ANK1: variants seen among roughly 807,000 people sequenced by gnomAD.
The protein encoded by ANK1 is ankyrin 1.
A neutral mutation model predicts 210.4 loss-of-function variants in ANK1; 51 were observed. The observed-to-expected ratio is 0.24, with a 90% CI of 0.19 to 0.31. ANK1 has a LOEUF of 0.31. Ranked by LOEUF, ANK1 falls within the 10% of genes least tolerant of loss-of-function variation. The pLI, the probability that ANK1 is intolerant of heterozygous loss-of-function variation, is 1.00. For synonymous variants in ANK1, 967 were observed against 1,025.9 expected (o/e 0.94, Z 1.10); for missense variants, 2,051 against 2,504.4 (o/e 0.82, Z 3.86).
rs561398687 is a variant in ANK1, at chr8:41,699,630, C to T, written c.2462-82G>A. 4.5e-4 allele frequency: 596 copies of T among 1,331,658 alleles called. 7 individuals carry two copies. The South Asian group carries it at 6.4e-3, about 14-fold the overall frequency. 82.5% of individuals were successfully genotyped at this position (1,331,658 alleles called of 1,614,324 possible). A position where few individuals can be genotyped will look rare whatever the true frequency, so the allele number is the denominator to read the frequency against. On this transcript the variant is annotated intron_variant, in intron 22 of 42. Transcript: ENST00000289734. ...TTTTAAAAAAGCTCTGTTCCCGCTC[C>T]GCCTCTGGGGGCTTGCTCCTGAGGA...
chr8:41,721,057 A>T (rs776612439), intron 9 of ANK1, among the ~76,000 whole-genome samples: 6 of 152,190 alleles, frequency 3.9e-5, no homozygotes, highest in Non-Finnish European at 7.4e-5. Flanking sequence ...TACAGGCTGA[A>T]TTAGGTCCCA....
intron 34 of ANK1, 136 bp downstream of exon 34, chr8:41,688,375 C>A: frequency 7.1e-7 from 1 of 1,413,894 alleles, no homozygotes; most frequent in South Asian, 1.2e-5. Flanking sequence ...AGACCCGAGT[C>A]AGCTCTGCAG....
At chr8:41,850,467 T>C (rs1405480020) in intron 1 of ANK1, among the ~76,000 whole-genome samples, 1 of 152,236 alleles carries the variant, frequency 6.6e-6, no homozygotes, top group Admixed American at 6.5e-5. Context: ...TAGTCATTTT[T>C]AATCTGTACT....
At chr8:41,811,813 GTTA>G (rs1236405042) in intron 1 of ANK1, among the ~76,000 whole-genome samples, 3 of 152,142 alleles carry the variant, frequency 2.0e-5, no homozygotes, top group African/African-American at 7.2e-5. Context: ...TGTAGCTATT[GTTA>G]TTATTATTAT....
rs886325158 is a variant in ANK1 at position 41,681,740 on chromosome 8, C to A, written c.4537+2804G>T. 4.0e-5 allele frequency among the ~76,000 whole-genome samples: 6 copies of A among 150,874 alleles called. 1 individual carries two copies. The highest frequency in any genetic ancestry group is 4.3e-4 in the South Asian group (2 of 4,692). ...AGCTGCAGAGCCTGTAGTGCCCCCC[C>A]ACCCCCCTTAGACCTCTGACTGTCC... On this transcript the variant is annotated intron_variant, in intron 37 of 42. Coordinates refer to ENST00000289734, the MANE Select transcript of ANK1 (RefSeq NM_000037.4).
rs187578143 is a variant in ANK1, at chr8:41,736,000, G to A, written c.130-1931C>T. On this transcript the variant is annotated intron_variant, in intron 2 of 42. Transcript: ENST00000289734. The stretch of plus-strand genomic sequence containing the variant: ...TCACCAAATATTTCCTCATGCAAAC[G>A]CCTGAAAATGACCACTGGCCATTAG... Among the ~76,000 whole-genome samples the A allele has an allele frequency of 5.2e-4, 79 of 152,194 alleles. No individual in the cohort carries two copies. In the East Asian group the frequency reaches 0.014, roughly 26 times the overall value.
chr8:41,822,173 A>G (rs28658219), intron 1 of ANK1, among the ~76,000 whole-genome samples: 3 of 143,332 alleles, frequency 2.1e-5, no homozygotes, highest in South Asian at 2.3e-4. Context: ...AAAGAAAGAA[A>G]GAAAGAAAGA....
Position 41,680,520 on chromosome 8 carries a change from G to T in ANK1, c.4537+4024C>A, listed in dbSNP as rs111942409. Among the ~76,000 whole-genome samples the T allele has an allele frequency of 4.7e-3, 700 of 148,992 alleles. 8 individuals are homozygous for T. The highest frequency in any genetic ancestry group is 0.035 in the East Asian group (176 of 5,086). ...AGAGAGGTTGCAGTGAGCTGAGATC[G>T]CACCATTGCACTCCAGCCAGGGCAA... On this transcript the variant is annotated intron_variant, in intron 37 of 42. Transcript: ENST00000289734.
chr8:41,688,436 G>A, intron 34 of ANK1, 75 bp downstream of exon 34: 1 of 1,551,554 alleles, frequency 6.4e-7, no homozygotes, highest in Non-Finnish European at 8.9e-7. Context: ...ACCCTCACAG[G>A]GCTGCGGGGA....
chr8:41,712,135 G>A (rs1239125180), intron 16 of ANK1, among the ~76,000 whole-genome samples: 3 of 152,152 alleles, frequency 2.0e-5, no homozygotes, highest in African/African-American at 7.2e-5. Context: ...ATGTTGGCCA[G>A]GATGGTCTTG....
chr8:41,743,535 C>G (rs568112956), intron 2 of ANK1, among the ~76,000 whole-genome samples: 2 of 152,150 alleles, frequency 1.3e-5, no homozygotes, highest in African/African-American at 2.4e-5. Flanking sequence ...CTGGAGATGT[C>G]GGCCTTAGAG....
At chr8:41,876,495 C>G (rs1476341894) in intron 1 of ANK1, among the ~76,000 whole-genome samples, 3 of 152,218 alleles carry the variant, frequency 2.0e-5, no homozygotes, top group Non-Finnish European at 2.9e-5. Flanking sequence ...GAACTGATGA[C>G]CTGTCTTACA....
chr8:41,736,562 C>T (rs1028377217), intron 2 of ANK1, among the ~76,000 whole-genome samples: 1 of 152,186 alleles, frequency 6.6e-6, no homozygotes, highest in Admixed American at 6.5e-5. Flanking sequence ...CCGCTTACTG[C>T]GGGAAGCTGA....
chr8:41,759,781 G>A (rs1840003828), intron 1 of ANK1, among the ~76,000 whole-genome samples: 1 of 152,164 alleles, frequency 6.6e-6, no homozygotes, highest in Admixed American at 6.5e-5. Flanking sequence ...CACACGCACA[G>A]ATAAGCATTT....
chr8:41,664,661 G>T, intron 39 of ANK1: 1 of 802,092 alleles, frequency 1.2e-6, no homozygotes, highest in Non-Finnish European at 2.0e-6. Context: ...TCCCAGGGTG[G>T]AACATGATCC....
In ANK1 at chr8:41,672,358, C is replaced by G; in HGVS notation, c.5092G>C (p.Asp1698His). The G allele has an allele frequency of 6.2e-7, 1 of 1,614,176 alleles. No individual in the cohort carries two copies. The highest frequency in any genetic ancestry group is 1.6e-4 in the Middle Eastern group (1 of 6,062). ...CTCCCACAGTCAAGCTCTTACCTGT[C>G]CTGACTCCTCTCCGTCACCTGACTC... ...TVSQVTERSQ[D>H]RLQDWDADGS... is the part of the protein sequence containing the mutation. Residue 1698 changes from aspartate (D) to histidine (H), a missense_variant, in exon 38 of 43, where the codon GAC (aspartate) becomes CAC (histidine). Around this residue, in one of 6 missense-constraint regions of ANK1, gnomAD observed 496 missense variants for 533.4 expected, o/e 0.93. Coordinates refer to ENST00000289734, the MANE Select transcript of ANK1 (RefSeq NM_000037.4).
chr8:41,833,850 C>T (rs1230080012), intron 1 of ANK1, among the ~76,000 whole-genome samples: 7 of 152,084 alleles, frequency 4.6e-5, no homozygotes, highest in East Asian at 1.9e-4. Context: ...AATCCTGGAG[C>T]GCTGAGGAGC....
chr8:41,803,795 C>CT (rs1285240488), intron 1 of ANK1, among the ~76,000 whole-genome samples: 1 of 151,632 alleles, frequency 6.6e-6, no homozygotes, highest in East Asian at 2.0e-4. Context: ...TTTTCTTTTC[C>CT]TTTTTTGTGA....
chr8:41,818,617 T>TTC (rs1292050156), intron 1 of ANK1, among the ~76,000 whole-genome samples: 1 of 152,026 alleles, frequency 6.6e-6, no homozygotes, highest in Admixed American at 6.6e-5. Context: ...TTCCCTTTCT[T>TTC]TCTCTCTCTC....
Sources: allele counts gnomAD v4.1 joint callset (sites outside exome capture counted in the v4.1 genomes callset), GRCh38; gene constraint gnomAD v4.1.1; regional missense constraint gnomAD v4.1.1; transcripts MANE v1.5; gene names NCBI Gene and HGNC (gene_info 2026-07-23, HGNC 2026-07-21).